Variants in RAPGEF1 observed in about 807,000 individuals in gnomAD.
RAPGEF1 encodes CRK SH3-binding GNRP.
RAPGEF1 carries 33 observed loss-of-function variants against 143.3 expected under a neutral mutation model. That is an observed-to-expected ratio of 0.23 (90% CI 0.17 to 0.31). RAPGEF1 has a LOEUF of 0.31. RAPGEF1 is among the 10% of genes least tolerant of loss of function. The probability of loss-of-function intolerance (pLI) is 1.00; values close to 1 mark genes in which losing one functional copy is unlikely to be tolerated. For missense variants in RAPGEF1, 1,199 were observed against 1,645.4 expected (o/e 0.73, Z 4.69); for synonymous variants, 629 against 676.5 (o/e 0.93, Z 1.09).
At chr9:131,678,703 G>A (rs966268479) in intron 1 of RAPGEF1, among the ~76,000 whole-genome samples, 2 of 152,184 alleles carry the variant, frequency 1.3e-5, no homozygotes, top group African/African-American at 4.8e-5. Flanking sequence ...ACACACACCC[G>A]TGCCCACAGG....
chr9:131,683,102 A>C (rs12345544), intron 1 of RAPGEF1, among the ~76,000 whole-genome samples: 5 of 152,202 alleles, frequency 3.3e-5, no homozygotes, highest in Non-Finnish European at 7.4e-5. Flanking sequence ...CATACAATGC[A>C]TGAATTGGGG....
intron 1 of RAPGEF1, among the ~76,000 whole-genome samples, chr9:131,710,266 C>T (rs1262134840): frequency 6.6e-6 from 1 of 152,106 alleles, no homozygotes; most frequent in African/African-American, 2.4e-5. Context: ...CCAAGGGAAA[C>T]ACAAAACGAA....
Position 131,599,117 on chromosome 9 carries a change from C to T in RAPGEF1, c.2502-807G>A, listed in dbSNP as rs186120285. 3.5e-3 allele frequency among the ~76,000 whole-genome samples: 520 copies of T among 147,316 alleles called. 2 individuals carry two copies. Among genetic ancestry groups the T allele is most frequent in the African/African-American group, 0.012 (490 of 40,282 alleles). ...GGATTATAGGTGTGAGCCACCGTGC[C>T]CAGCCACTTATTTGTTTTTTTTTTT... is the stretch of plus-strand genomic sequence containing the variant. On this transcript the variant is annotated intron_variant, in intron 15 of 26. Coordinates refer to ENST00000683357, the MANE Select transcript of RAPGEF1 (RefSeq NM_001377935.1).
At position 131,629,126 on chromosome 9, in the gene RAPGEF1, G is replaced by A. The variant is rs755659873; in HGVS notation, c.869C>T (p.Pro290Leu). 3 of 1,613,838 alleles carry A rather than the reference G, an allele frequency of 1.9e-6. No individual in the cohort carries two copies. In the African/African-American group the frequency reaches 4.0e-5, roughly 22 times the overall value. Reference sequence around the variant, plus strand: ...CCTATTATCAACCACCCGAATGCCAGGCAGAGGAGGCTTGGGGGGCGCGAC... The same window carrying A: ...CCTATTATCAACCACCCGAATGCCAAGCAGAGGAGGCTTGGGGGGCGCGAC... Reference protein sequence around the residue: ...EEVAPPKPPLPGIRVVDNSPP... With the variant: ...EEVAPPKPPLLGIRVVDNSPP... Residue 290 changes from proline (P) to leucine (L), a missense_variant, in exon 7 of 27, where the codon CCT (proline) becomes CTT (leucine). Coordinates refer to ENST00000683357, the MANE Select transcript of RAPGEF1 (RefSeq NM_001377935.1).
At chr9:131,638,516 A>G (rs1966860809) in intron 5 of RAPGEF1, 119 bp downstream of exon 5, 2 of 1,172,726 alleles carry the variant, frequency 1.7e-6, no homozygotes, top group African/African-American at 3.0e-5. Context: ...CACCAACACC[A>G]GAGACGCAGA....
chr9:131,681,917 G>A (rs868469522), intron 1 of RAPGEF1, among the ~76,000 whole-genome samples: 12 of 152,116 alleles, frequency 7.9e-5, no homozygotes, highest in Admixed American at 6.5e-4. Flanking sequence ...CTGCAGATTC[G>A]GCTGCTCAGG....
At position 131,604,967 on chromosome 9, in the gene RAPGEF1, A is replaced by G; in HGVS notation, c.2283T>C (p.Thr761=). 2 of 1,319,812 alleles carry G rather than the reference A, an allele frequency of 1.5e-6. No individual in the cohort carries two copies. The highest frequency in any genetic ancestry group is 2.4e-5 in the South Asian group (2 of 82,174). The allele number at this position is 1,319,812 out of a possible 1,614,324, so 81.8% of individuals were successfully genotyped here. A position where few individuals can be genotyped will look rare whatever the true frequency, so the allele number is the denominator to read the frequency against. Residue 761 remains threonine (T), a synonymous_variant, in exon 13 of 27, where the codon ACT becomes ACC. Transcript: ENST00000683357. ...AAGAGGTTTCGGAAGGAAGGCAGAC[A>G]GTATTCCCATGAAAGCTGCTCTCCT... ...ASQESSFHGN[T]VCLPSETSFT... is the part of the protein sequence containing the mutation.
At chr9:131,669,564 G>A (rs1379224031) in intron 1 of RAPGEF1, among the ~76,000 whole-genome samples, 4 of 152,156 alleles carry the variant, frequency 2.6e-5, no homozygotes, top group Admixed American at 6.5e-5. Flanking sequence ...GCCCCTGAAC[G>A]AGGGCAGTTC....
intron 1 of RAPGEF1, among the ~76,000 whole-genome samples, chr9:131,683,492 T>C (rs940094973): frequency 1.3e-5 from 2 of 152,258 alleles, no homozygotes; most frequent in South Asian, 2.1e-4. Flanking sequence ...ACAGCCAGGA[T>C]TGCCTTCTCC....
At chr9:131,681,709 C>T (rs190757942) in intron 1 of RAPGEF1, among the ~76,000 whole-genome samples, 77 of 152,212 alleles carry the variant, frequency 5.1e-4, no homozygotes, top group African/African-American at 1.7e-3. Context: ...TGGGGGTCGG[C>T]GGCTGGGCTG....
intron 5 of RAPGEF1, among the ~76,000 whole-genome samples, chr9:131,636,588 C>T (rs371391069): frequency 1.1e-3 from 167 of 152,322 alleles, no homozygotes; most frequent in African/African-American, 3.6e-3. Context: ...GTTTTGGCTG[C>T]TCTAACTTGT....
At chr9:131,689,924 CATT>C (rs1248663652) in intron 1 of RAPGEF1, among the ~76,000 whole-genome samples, 1 of 152,164 alleles carries the variant, frequency 6.6e-6, no homozygotes, top group Non-Finnish European at 1.5e-5. Flanking sequence ...AATACTGAAA[CATT>C]AATATCTGAA....
intron 1 of RAPGEF1, among the ~76,000 whole-genome samples, chr9:131,693,171 C>A (rs753591017): frequency 6.6e-6 from 1 of 152,174 alleles, no homozygotes; most frequent in Non-Finnish European, 1.5e-5. Flanking sequence ...CCAAGAAATG[C>A]ATGATAATGA....
At chr9:131,587,039 C>CACACA (rs1491534548) in intron 22 of RAPGEF1, among the ~76,000 whole-genome samples, 2 of 92,954 alleles carry the variant, frequency 2.2e-5, no homozygotes, top group Admixed American at 1.1e-4. Context: ...CACACACACA[C>CACACA]CCCTGCAGAG....
At chr9:131,660,507 T>C (rs940779023) in intron 1 of RAPGEF1, among the ~76,000 whole-genome samples, 3 of 151,906 alleles carry the variant, frequency 2.0e-5, no homozygotes, top group African/African-American at 4.8e-5. Context: ...AATGGCTGCA[T>C]GATGCTCTGC....
At chr9:131,722,941 C>T (rs1836374305) in intron 1 of RAPGEF1, among the ~76,000 whole-genome samples, 1 of 152,228 alleles carries the variant, frequency 6.6e-6, no homozygotes, top group African/African-American at 2.4e-5. Flanking sequence ...CGCCTGTAAT[C>T]CCAGCACTTT....
At chr9:131,681,129 G>A (rs1297948667) in intron 1 of RAPGEF1, among the ~76,000 whole-genome samples, 1 of 152,140 alleles carries the variant, frequency 6.6e-6, no homozygotes, top group Non-Finnish European at 1.5e-5. Context: ...AACAAAAGAG[G>A]TTACAGAGCA....
chr9:131,689,539 ATT>A (rs200363817), intron 1 of RAPGEF1, among the ~76,000 whole-genome samples: 7 of 148,146 alleles, frequency 4.7e-5, no homozygotes, highest in East Asian at 2.0e-4. Context: ...AGTAACTTGA[ATT>A]TTTTTTTTTT....
At chr9:131,726,891 C>T (rs1836712567) in intron 1 of RAPGEF1, among the ~76,000 whole-genome samples, 1 of 152,100 alleles carries the variant, frequency 6.6e-6, no homozygotes, top group Admixed American at 6.6e-5. Flanking sequence ...GTAGTCCCAG[C>T]TACTCAAGAG....
Sources: gnomAD v4.1 joint callset for allele counts (sites outside exome capture counted in the v4.1 genomes callset) on GRCh38, gnomAD v4.1.1 for gene constraint, MANE v1.5 for transcripts, NCBI Gene and HGNC (gene_info 2026-07-23, HGNC 2026-07-21) for gene names.